AKR1E2: variants seen among roughly 807,000 people sequenced by gnomAD.
AKR1E2 encodes 1,5-anhydro-D-fructose reductase.
AKR1E2 carries 43 observed loss-of-function variants against 41.9 expected under a neutral mutation model. That is an observed-to-expected ratio of 1.03 (90% CI 0.80 to 1.32). The LOEUF (loss-of-function observed/expected upper bound fraction) is 1.32. Ranked by LOEUF, AKR1E2 falls within the 40% of genes most tolerant of loss-of-function variation. The pLI is 0.00. For missense variants in AKR1E2, 423 were observed against 396.5 expected (o/e 1.07, Z -0.57); for synonymous variants, 121 against 138.9 (o/e 0.87, Z 0.91).
At position 4,842,441 on chromosome 10, in the gene AKR1E2, C is replaced by T. The variant is rs1156947290; in HGVS notation, c.774C>T (p.Ile258=). 3 of 1,614,068 alleles carry T rather than the reference C, an allele frequency of 1.9e-6. No individual in the cohort carries two copies. Among genetic ancestry groups the T allele is most frequent in the Admixed American group, 1.7e-5 (1 of 60,014 alleles). Residue 258 remains isoleucine (I), a synonymous_variant, in exon 8 of 10, where the codon ATC becomes ATT. Coordinates refer to ENST00000298375, the MANE Select transcript of AKR1E2 (RefSeq NM_001040177.3). ...TGCAGATTTTGATCCGATTTCAAAT[C>T]CAGAGGAATGTGATAGTGATCCCCG... ...SPAQILIRFQ[I]QRNVIVIPGS...
intron 8 of AKR1E2, chr10:4,845,836 C>G (rs202045971): frequency 2.1e-6 from 1 of 470,996 alleles, no homozygotes; most frequent in East Asian, 6.9e-5. Context: ...ACCAGGCTGA[C>G]GTGAGACCTG....
At chr10:4,831,943 C>T (rs902657246) in intron 2 of AKR1E2, among the ~76,000 whole-genome samples, 1 of 152,108 alleles carries the variant, frequency 6.6e-6, no homozygotes, top group Admixed American at 6.5e-5. Context: ...AGGTAGGAGA[C>T]ATTAACAGCA....
At position 4,847,568 on chromosome 10, in the gene AKR1E2, G is replaced by A; in HGVS notation, c.*38G>A. 6.2e-7 allele frequency: 1 copy of A among 1,606,228 alleles called. No individual in the cohort carries two copies. Among genetic ancestry groups the A allele is most frequent in the Non-Finnish European group, 8.5e-7 (1 of 1,173,792 alleles). On this transcript the variant is annotated 3_prime_UTR_variant, in exon 10 of 10. Coordinates refer to ENST00000298375, the MANE Select transcript of AKR1E2 (RefSeq NM_001040177.3). Reference sequence around the variant, plus strand: ...TTCCTTGTTTCTGCTCAGCCCAGATGCACAGACACTATTGGCAATGTTGAC... The same window carrying A: ...TTCCTTGTTTCTGCTCAGCCCAGATACACAGACACTATTGGCAATGTTGAC...
At chr10:4,860,513 T>C in the AKR1E2 span, among the ~76,000 whole-genome samples, 2 of 151,976 alleles carry the variant, frequency 1.3e-5, no homozygotes, top group Non-Finnish European at 2.9e-5. Context: ...GGGAACCTCA[T>C]AGTGGCTGCC....
At chr10:4,843,367 C>T (rs1834037596) in intron 8 of AKR1E2, among the ~76,000 whole-genome samples, 1 of 152,182 alleles carries the variant, frequency 6.6e-6, no homozygotes, top group Non-Finnish European at 1.5e-5. Context: ...TCTTAGCTGC[C>T]AGTCACCCTC....
intron 8 of AKR1E2, among the ~76,000 whole-genome samples, chr10:4,844,343 G>A (rs1834128807): frequency 6.6e-6 from 1 of 152,196 alleles, no homozygotes; most frequent in Admixed American, 6.5e-5. Context: ...TTTGCGGTGA[G>A]TGTTACAGCT....
chr10:4,869,857 T>C, the AKR1E2 span, among the ~76,000 whole-genome samples: 4 of 152,134 alleles, frequency 2.6e-5, no homozygotes, highest in Non-Finnish European at 4.4e-5. Flanking sequence ...TCATTTTTCG[T>C]TGGATAACAT....
chr10:4,866,758 G>A, the AKR1E2 span, among the ~76,000 whole-genome samples: 5 of 151,898 alleles, frequency 3.3e-5, no homozygotes, highest in African/African-American at 1.2e-4. Context: ...AACTTGGCGG[G>A]TGGGGGGAAG....
In AKR1E2 at chr10:4,839,925, T is replaced by A. The variant is rs746856553; in HGVS notation, c.680+99T>A. 3.0e-5 allele frequency: 34 copies of A among 1,132,404 alleles called. 1 individual carries two copies. The highest frequency in any genetic ancestry group is 6.1e-5 in the African/African-American group (4 of 65,534). The allele number at this position is 1,132,404 out of a possible 1,614,324, so 70.1% of individuals were successfully genotyped here. On this transcript the variant is annotated intron_variant, in intron 6 of 9. Coordinates refer to ENST00000298375, the MANE Select transcript of AKR1E2 (RefSeq NM_001040177.3). ...TGACTGAGGGAGGGCTTAATGGAGG[T>A]TTTGACAGGGTGTGGAGGGATGGTA...
At chr10:4,842,564 T>C in intron 8 of AKR1E2, 60 bp downstream of exon 8, 1 of 1,497,672 alleles carries the variant, frequency 6.7e-7, no homozygotes, top group Non-Finnish European at 9.3e-7. Context: ...TGGGAAGGGA[T>C]GACTGCTGTA....
the AKR1E2 span, among the ~76,000 whole-genome samples, chr10:4,869,102 G>A: frequency 6.6e-6 from 1 of 152,102 alleles, no homozygotes; most frequent in African/African-American, 2.4e-5. Context: ...TGAAGCGATT[G>A]TATAGAATTG....
At chr10:4,853,210 T>C in the AKR1E2 span, among the ~76,000 whole-genome samples, 1 of 152,208 alleles carries the variant, frequency 6.6e-6, no homozygotes, top group Non-Finnish European at 1.5e-5. Context: ...TTTTATATGT[T>C]TGCAAACTTA....
At chr10:4,842,981 T>C (rs944048802) in intron 8 of AKR1E2, among the ~76,000 whole-genome samples, 3 of 152,204 alleles carry the variant, frequency 2.0e-5, no homozygotes, top group African/African-American at 7.2e-5. Context: ...GACTCCTGTC[T>C]AGTGACTTCT....
At chr10:4,864,211 A>G in the AKR1E2 span, among the ~76,000 whole-genome samples, 2 of 152,284 alleles carry the variant, frequency 1.3e-5, no homozygotes, top group South Asian at 2.1e-4. Flanking sequence ...AAAATCCTCA[A>G]TAAAATACTG....
At chr10:4,872,546 A>G in the AKR1E2 span, among the ~76,000 whole-genome samples, 1 of 152,158 alleles carries the variant, frequency 6.6e-6, no homozygotes, top group African/African-American at 2.4e-5. Flanking sequence ...CAAGTCATTG[A>G]ATAGTTATTG....
downstream of AKR1E2, among the ~76,000 whole-genome samples, chr10:4,849,687 G>T (rs1025037555): frequency 6.6e-6 from 1 of 152,316 alleles, no homozygotes; most frequent in South Asian, 2.1e-4. Context: ...GAGTCTCAGC[G>T]CTCCATTGCA....
intron 8 of AKR1E2, among the ~76,000 whole-genome samples, chr10:4,842,864 G>C (rs1299044368): frequency 6.6e-6 from 1 of 152,192 alleles, no homozygotes; most frequent in Non-Finnish European, 1.5e-5. Flanking sequence ...GTGCACTCAG[G>C]AGAAAGGGGA....
the AKR1E2 span, among the ~76,000 whole-genome samples, chr10:4,858,085 T>C: frequency 6.6e-6 from 1 of 152,220 alleles, no homozygotes; most frequent in Non-Finnish European, 1.5e-5. Flanking sequence ...TTGTTGATTT[T>C]ACCATGTTAG....
chr10:4,836,407 C>T (rs1055028495), intron 4 of AKR1E2, among the ~76,000 whole-genome samples: 81 of 152,110 alleles, frequency 5.3e-4, no homozygotes, highest in African/African-American at 1.9e-3. Context: ...GGAAGTTGAC[C>T]CACAGGCTGG....
Sources: allele counts gnomAD v4.1 joint callset (sites outside exome capture counted in the v4.1 genomes callset), GRCh38; gene constraint gnomAD v4.1.1; transcripts MANE v1.5; gene names NCBI Gene and HGNC (gene_info 2026-07-23, HGNC 2026-07-21).